CCDC158: variants seen among roughly 807,000 people sequenced by gnomAD.
The protein encoded by CCDC158 is coiled-coil domain-containing protein 158.
Under a neutral mutation model 138.6 loss-of-function variants are expected in CCDC158, and 116 were observed. The ratio of observed to expected loss-of-function variants is 0.84; its 90% CI spans 0.72 to 0.98. CCDC158 has a LOEUF of 0.98. Among genes scored for constraint, CCDC158 ranks in the 50% least tolerant of loss-of-function variants. The probability of loss-of-function intolerance (pLI) is 0.00; values close to 1 mark genes in which losing one functional copy is unlikely to be tolerated. For synonymous variants in CCDC158, 436 were observed against 442.4 expected (o/e 0.99, Z 0.18); for missense variants, 1,265 against 1,306.1 (o/e 0.97, Z 0.48).
chr4:76,386,794 T>TGG (rs1374227621), intron 4 of CCDC158, among the ~76,000 whole-genome samples: 3 of 152,096 alleles, frequency 2.0e-5, no homozygotes, highest in Non-Finnish European at 4.4e-5. Flanking sequence ...GCACAGCAAC[T>TGG]GGGGGGTTTT....
At chr4:76,320,322 C>T (rs551935431) in intron 24 of CCDC158, among the ~76,000 whole-genome samples, 1 of 152,274 alleles carries the variant, frequency 6.6e-6, no homozygotes, top group South Asian at 2.1e-4. Context: ...ACATTTCATG[C>T]CCATGGATGG....
intron 2 of CCDC158, among the ~76,000 whole-genome samples, chr4:76,404,119 T>C (rs78570827): frequency 0.028 from 4,187 of 151,982 alleles, 81 homozygotes; most frequent in Middle Eastern, 0.051. Flanking sequence ...CCTAGGGACA[T>C]GGCAGTCAAG....
At chr4:76,411,556 C>T (rs1366380160) in intron 2 of CCDC158, among the ~76,000 whole-genome samples, 1 of 152,164 alleles carries the variant, frequency 6.6e-6, no homozygotes, top group Admixed American at 6.6e-5. Flanking sequence ...TCTGCATTGA[C>T]TAAACACAGG....
In CCDC158 at chr4:76,325,837, T is replaced by A. The variant is rs1474579909; in HGVS notation, c.3169+20A>T. 1 of 1,596,398 alleles carries A rather than the reference T, an allele frequency of 6.3e-7. No individual in the cohort carries two copies. The highest frequency in any genetic ancestry group is 8.5e-7 in the Non-Finnish European group (1 of 1,171,656). On this transcript the variant is annotated intron_variant, in intron 23 of 24. Coordinates refer to ENST00000682701, the MANE Select transcript of CCDC158 (RefSeq NM_001394954.1). ...GTAGGAAATCAATTAATCACGTCAA[T>A]GATATCAGATCTTTCTTACCTTTAA...
chr4:76,353,260 C>G lies in CCDC158; in HGVS notation c.2308G>C (p.Glu770Gln). 1 of 1,607,996 alleles carries G rather than the reference C, an allele frequency of 6.2e-7. No homozygotes were observed. Among genetic ancestry groups the G allele is most frequent in the Non-Finnish European group, 8.5e-7 (1 of 1,177,764 alleles). The change falls in exon 16 of 25, where the codon GAG becomes CAG. Residue 770 changes from glutamate to glutamine, a missense_variant. Transcript: ENST00000682701. The stretch of plus-strand genomic sequence containing the variant: ...AATTCCTGACTGAGTTTACTTTTCT[C>G]TTCTTTCAGAAAATGTTTCTCCTAC... ...ANKEKHFLKE[E>Q]KSKLSQELST...
chr4:76,406,186 C>T (rs61402764), intron 2 of CCDC158, among the ~76,000 whole-genome samples: 49,856 of 152,004 alleles, frequency 0.33, 9,605 homozygotes, highest in Non-Finnish European at 0.44. Flanking sequence ...CAAGAAAGCA[C>T]GGGTTAAAAT....
chr4:76,354,726 A>G (rs867046821), intron 15 of CCDC158, among the ~76,000 whole-genome samples: 1 of 152,140 alleles, frequency 6.6e-6, no homozygotes, highest in Middle Eastern at 3.2e-3. Flanking sequence ...CCTCAGTTTT[A>G]CCATGTGTTA....
In CCDC158 at chr4:76,383,730, ATCCTCTAC is replaced by A; in HGVS notation, c.727_734del (p.Val243SerfsTer3). 6.2e-7 allele frequency: 1 copy of A among 1,612,102 alleles called. No homozygotes were observed. The stretch of plus-strand genomic sequence containing the variant: ...ATTCAGATTTCAGTGCTTCAAGTTG[ATCCTCTAC>A]CTGGTTTTTAAAAAGAGACACTGAT... On this transcript the variant is annotated frameshift_variant and splice_region_variant, in exon 7 of 25. Transcript: ENST00000682701. LOFTEE classifies it high-confidence loss of function.
chr4:76,364,129 T>A (rs891830681), intron 12 of CCDC158, among the ~76,000 whole-genome samples: 1 of 152,188 alleles, frequency 6.6e-6, no homozygotes, highest in Non-Finnish European at 1.5e-5. Context: ...TCCCCTACAA[T>A]CCTTTCTGAC....
intron 1 of CCDC158, among the ~76,000 whole-genome samples, chr4:76,418,403 G>T (rs1347078045): frequency 6.6e-6 from 1 of 152,186 alleles, no homozygotes. Flanking sequence ...CTTAAAACAG[G>T]TGAATTTTAT....
At chr4:76,355,558 T>C in intron 14 of CCDC158, 122 bp from the exon 15 acceptor site, 1 of 716,580 alleles carries the variant, frequency 1.4e-6, no homozygotes. Context: ...CTGGGCAGTT[T>C]CAAGGAAAAG....
At chr4:76,319,000 C>T (rs547658073) in intron 24 of CCDC158, among the ~76,000 whole-genome samples, 46 of 152,176 alleles carry the variant, frequency 3.0e-4, no homozygotes, top group African/African-American at 8.2e-4. Flanking sequence ...TGGCCAGGCG[C>T]GGTGGCTTAC....
At chr4:76,407,338 G>A (rs1447817063) in intron 2 of CCDC158, 1 of 152,012 alleles carries the variant, frequency 6.6e-6, no homozygotes, top group African/African-American at 2.4e-5. Flanking sequence ...AGTAGGTAGG[G>A]AGATATTCCA....
At chr4:76,338,532 A>G (rs547909165) in intron 18 of CCDC158, among the ~76,000 whole-genome samples, 1 of 152,280 alleles carries the variant, frequency 6.6e-6, no homozygotes, top group East Asian at 1.9e-4. Flanking sequence ...AAACAAAATG[A>G]AAAACATTAG....
At chr4:76,323,068 G>T (rs564093900) in intron 24 of CCDC158, among the ~76,000 whole-genome samples, 3 of 152,138 alleles carry the variant, frequency 2.0e-5, no homozygotes, top group Non-Finnish European at 2.9e-5. Flanking sequence ...AGGGATGGCC[G>T]GCAGGATTGT....
At chr4:76,318,142 A>G (rs1454562564) in intron 24 of CCDC158, among the ~76,000 whole-genome samples, 3 of 152,210 alleles carry the variant, frequency 2.0e-5, no homozygotes, top group Non-Finnish European at 4.4e-5. Context: ...CAGCAGAAGA[A>G]AAGAAATAAC....
At chr4:76,345,521 G>T in intron 18 of CCDC158, 1 of 943,932 alleles carries the variant, frequency 1.1e-6, no homozygotes. Context: ...TGTCTGAACT[G>T]GAAATAAAAC....
chr4:76,327,195 C>T (rs552178525), intron 22 of CCDC158, among the ~76,000 whole-genome samples: 58 of 152,088 alleles, frequency 3.8e-4, no homozygotes, highest in Non-Finnish European at 5.0e-4. Context: ...AACATATAAA[C>T]GAAGTAAACC....
In CCDC158 at chr4:76,379,301, A is replaced by G. The variant is rs1310506115; in HGVS notation, c.1018T>C (p.Tyr340His). 3 of 1,601,656 alleles carry G rather than the reference A, an allele frequency of 1.9e-6. No homozygotes were observed. The African/African-American group carries it at 4.0e-5, about 21-fold the overall frequency. The part of the protein sequence containing the change: ...RSELREAKRM[Y>H]EDKTEELEKQ... ...AAACCTAAACTCACCTTGTCTTCATACATCCTTTTGGCTTCCCTTAATTCA... is the reference window on the plus strand; with the variant it reads ...AAACCTAAACTCACCTTGTCTTCATGCATCCTTTTGGCTTCCCTTAATTCA... The change falls in exon 9 of 25, where the codon TAT (tyrosine) becomes CAT (histidine). Residue 340 changes from tyrosine to histidine, a missense_variant. Coordinates refer to ENST00000682701, the MANE Select transcript of CCDC158 (RefSeq NM_001394954.1).
Sources: allele counts gnomAD v4.1 joint callset (sites outside exome capture counted in the v4.1 genomes callset), GRCh38; gene constraint gnomAD v4.1.1; transcripts MANE v1.5; gene names NCBI Gene and HGNC (gene_info 2026-07-23, HGNC 2026-07-21).